Variants in PCDH15 observed in about 807,000 individuals in gnomAD.
The protein encoded by PCDH15 is protocadherin-15.
PCDH15 carries 129 observed loss-of-function variants against 178.5 expected under a neutral mutation model. The observed-to-expected ratio is 0.72, with a 90% CI of 0.63 to 0.84. PCDH15 has a LOEUF of 0.84. Among genes scored for constraint, PCDH15 ranks in the 40% least tolerant of loss-of-function variants. The pLI, the probability that PCDH15 is intolerant of heterozygous loss-of-function variation, is 0.00. For synonymous variants in PCDH15, 800 were observed against 732.0 expected, an observed-to-expected ratio of 1.09 and a Z score of -1.50; for missense variants, 2,230 against 2,099.9, an observed-to-expected ratio of 1.06 and a Z score of -1.21.
chr10:53,908,583 C>G (rs573853312), intron 25 of PCDH15, among the ~76,000 whole-genome samples: 1 of 152,172 alleles, frequency 6.6e-6, no homozygotes, highest in Non-Finnish European at 1.5e-5. Context: ...CTAAAATATT[C>G]TTAATTCCAA....
At chr10:54,943,437 A>G (rs1377301988) in intron 2 of PCDH15, among the ~76,000 whole-genome samples, 1 of 151,990 alleles carries the variant, frequency 6.6e-6, no homozygotes, top group South Asian at 2.1e-4. Context: ...TACTATTTTT[A>G]TATCCATTTA....
In PCDH15 at chr10:53,995,750, G is replaced by A; in HGVS notation, c.2767C>T (p.Pro923Ser). ...TATATTCGTTTACTAAAGACAGGAG[G>A]ATAATCATTCATATCCTGTAAAACA... ...TVIVKDMNDY[P>S]PVFSKRIYKG... The change falls in exon 21 of 38, where the codon CCT (proline) becomes TCT (serine). Residue 923 changes from proline to serine, a missense_variant. Physicochemically the swap from Pro to Ser is moderately conservative, Grantham distance 74. Coordinates refer to ENST00000644397, the MANE Select transcript of PCDH15 (RefSeq NM_001384140.1). 1.9e-6 allele frequency: 3 copies of A among 1,613,660 alleles called. No homozygotes were observed. Among genetic ancestry groups the A allele is most frequent in the African/African-American group, 1.3e-5 (1 of 75,022 alleles).
chr10:54,430,492 A>G lies in PCDH15; in HGVS notation c.158-51550T>C, dbSNP rs181601654. 4.0e-4 allele frequency among the ~76,000 whole-genome samples: 61 copies of G among 152,284 alleles called. 1 individual carries two copies. Among genetic ancestry groups the G allele is most frequent in the African/African-American group, 1.3e-3 (52 of 41,564 alleles). On this transcript the variant is annotated intron_variant, in intron 3 of 37. Coordinates refer to ENST00000644397, the MANE Select transcript of PCDH15 (RefSeq NM_001384140.1). ...TCTAACCACAATGGAATAAAACTAG[A>G]AATCAATAAAAAATTAATTTTGGAA...
intron 1 of PCDH15, among the ~76,000 whole-genome samples, chr10:55,219,074 C>A (rs1840793965): frequency 6.6e-6 from 1 of 151,966 alleles, no homozygotes; most frequent in Non-Finnish European, 1.5e-5. Context: ...ATGCTTACTG[C>A]TCCTTCTGGT....
chr10:54,065,483 T>G (rs995673832), intron 18 of PCDH15, among the ~76,000 whole-genome samples: 11 of 152,312 alleles, frequency 7.2e-5, no homozygotes, highest in African/African-American at 2.4e-4. Context: ...AGTAAGCCAT[T>G]GGACACCAGA....
intron 3 of PCDH15, among the ~76,000 whole-genome samples, chr10:54,813,553 T>C (rs1273092994): frequency 1.3e-5 from 2 of 152,166 alleles, no homozygotes; most frequent in East Asian, 3.9e-4. Context: ...TCATTCCTAA[T>C]ATTCTCTTAT....
At chr10:53,877,309 A>G (rs571652887) in intron 26 of PCDH15, among the ~76,000 whole-genome samples, 58 of 152,288 alleles carry the variant, frequency 3.8e-4, no homozygotes, top group African/African-American at 1.3e-3. Flanking sequence ...CTTTTCAACC[A>G]TGTGAAAAAG....
intron 1 of PCDH15, among the ~76,000 whole-genome samples, chr10:54,748,301 G>C (rs1052480437): frequency 5.3e-5 from 8 of 152,064 alleles, no homozygotes; most frequent in Non-Finnish European, 1.2e-4. Flanking sequence ...TTATACACGG[G>C]ATAAAATTGT....
At chr10:54,477,433 T>C (rs540644823) in intron 3 of PCDH15, among the ~76,000 whole-genome samples, 1 of 152,186 alleles carries the variant, frequency 6.6e-6, no homozygotes, top group Admixed American at 6.6e-5. Flanking sequence ...CTCATCATGA[T>C]GTGCTAGAAT....
chr10:53,822,196 T>C (rs1348973565), intron 32 of PCDH15: 2 of 1,613,908 alleles, frequency 1.2e-6, no homozygotes, highest in Admixed American at 1.7e-5. Flanking sequence ...TTAACACCTG[T>C]TATACAGACA....
intron 8 of PCDH15, among the ~76,000 whole-genome samples, chr10:54,262,717 T>TG (rs5785052): frequency 0.68 from 103,866 of 151,994 alleles, 36,486 homozygotes; most frequent in Middle Eastern, 0.76. Context: ...TGGGTTCTCA[T>TG]GGGGCATGGG....
intron 2 of PCDH15, among the ~76,000 whole-genome samples, chr10:54,645,149 G>T (rs968971793): frequency 2.6e-5 from 4 of 152,112 alleles, no homozygotes; most frequent in African/African-American, 9.7e-5. Context: ...GTAAATGAAA[G>T]ATGCATTTCT....
intron 2 of PCDH15, among the ~76,000 whole-genome samples, chr10:54,542,009 T>C (rs369904184): frequency 1.3e-5 from 2 of 152,296 alleles, no homozygotes; most frequent in South Asian, 2.1e-4. Flanking sequence ...GCAAACTGTA[T>C]GGATTAATTT....
chr10:54,175,841 C>T (rs2047377414), intron 13 of PCDH15, among the ~76,000 whole-genome samples: 2 of 151,954 alleles, frequency 1.3e-5, no homozygotes, highest in South Asian at 4.2e-4. Context: ...AAGTTTTTTC[C>T]TATGATATAT....
intron 2 of PCDH15, among the ~76,000 whole-genome samples, chr10:55,358,153 T>C (rs1845126330): frequency 6.6e-6 from 1 of 152,098 alleles, no homozygotes; most frequent in Non-Finnish European, 1.5e-5. Context: ...ACAAGGAATA[T>C]ATCTGTAAAC....
chr10:54,661,580 G>T (rs1590902874), intron 2 of PCDH15, among the ~76,000 whole-genome samples: 1 of 151,762 alleles, frequency 6.6e-6, no homozygotes, highest in East Asian at 1.9e-4. Context: ...ACCAAAAAAA[G>T]AGCCTTAATA....
intron 3 of PCDH15, among the ~76,000 whole-genome samples, chr10:54,510,831 G>A (rs529110038): frequency 2.6e-4 from 40 of 152,012 alleles, no homozygotes; most frequent in African/African-American, 7.7e-4. Context: ...TTTTTTCCAC[G>A]TCTCCTGCCA....
intron 21 of PCDH15, among the ~76,000 whole-genome samples, chr10:53,965,508 T>C (rs1036573271): frequency 1.3e-5 from 2 of 152,320 alleles, no homozygotes; most frequent in African/African-American, 4.8e-5. Context: ...CTTAACATTT[T>C]TCAGTACTAT....
chr10:53,858,259 G>A (rs1222470615), intron 27 of PCDH15, among the ~76,000 whole-genome samples: 2 of 152,108 alleles, frequency 1.3e-5, no homozygotes, highest in African/African-American at 4.8e-5. Flanking sequence ...CTACAGTAGG[G>A]AGTAATTTCA....
Sources: gnomAD v4.1 joint callset for allele counts (sites outside exome capture counted in the v4.1 genomes callset) on GRCh38, gnomAD v4.1.1 for gene constraint, MANE v1.5 for transcripts, NCBI Gene and HGNC (gene_info 2026-07-23, HGNC 2026-07-21) for gene names.